MRNIP: variants seen among roughly 807,000 people sequenced by gnomAD.
MRNIP encodes MRN complex interacting protein, also known as MRN complex-interacting protein.
In MRNIP, 30 loss-of-function variants were observed where a neutral mutation model predicts 29.8. The ratio of observed to expected loss-of-function variants is 1.01; its 90% CI spans 0.75 to 1.36. The LOEUF (loss-of-function observed/expected upper bound fraction) is 1.36. Among genes scored for constraint, MRNIP ranks in the 40% most tolerant of loss-of-function variants. The pLI is 0.00. For missense variants in MRNIP, 459 were observed against 423.5 expected (o/e 1.08, Z -0.74); for synonymous variants, 201 against 164.1 (o/e 1.23, Z -1.72).
chr5:179,858,008 T>G (rs1157258205), intron 1 of MRNIP, among the ~76,000 whole-genome samples: 1 of 93,346 alleles, frequency 1.1e-5, no homozygotes, highest in Non-Finnish European at 1.8e-5. Context: ...CGAAACTCCG[T>G]CTCAAAAAAA....
chr5:179,837,491 C>G lies in MRNIP; in HGVS notation c.932G>C (p.Trp311Ser), dbSNP rs1758644439. The change falls in exon 7 of 7, where the codon TGG (tryptophan) becomes TCG (serine). Residue 311 changes from tryptophan (W) to serine (S), a missense_variant. Coordinates refer to ENST00000292586, the MANE Select transcript of MRNIP (RefSeq NM_016175.4). ...GKTSWDARTP[W>S]AEGGPLVLEA... ...CAGGACCAGGGGCCCACCCTCTGCCCAGGGAGTCCTTGCGTCCCATGAGGT... is the reference window on the plus strand; with the variant it reads ...CAGGACCAGGGGCCCACCCTCTGCCGAGGGAGTCCTTGCGTCCCATGAGGT... The G allele has an allele frequency of 6.2e-7, 1 of 1,614,018 alleles. No individual in the cohort carries two copies. The highest frequency in any genetic ancestry group is 1.7e-5 in the Admixed American group (1 of 60,010).
chr5:179,853,097 C>T (rs1401061938), intron 2 of MRNIP: 1 of 702,522 alleles, frequency 1.4e-6, no homozygotes, highest in Non-Finnish European at 2.3e-6. Flanking sequence ...TCTGTGAGGG[C>T]AAGAATGACA....
chr5:179,838,256 C>T (rs996464643), intron 6 of MRNIP: 7 of 278,434 alleles, frequency 2.5e-5, no homozygotes, highest in Non-Finnish European at 4.1e-5. Flanking sequence ...TACCTCCCAC[C>T]GGGGGGCAGC....
chr5:179,847,026 A>G (rs1159001081), intron 3 of MRNIP: 1 of 151,902 alleles, frequency 6.6e-6, no homozygotes, highest in Non-Finnish European at 1.5e-5. Flanking sequence ...TTTGGCTTCT[A>G]CATTTTTTTT....
intron 1 of MRNIP, among the ~76,000 whole-genome samples, chr5:179,857,452 G>A (rs973980128): frequency 6.6e-6 from 1 of 151,902 alleles, no homozygotes; most frequent in Non-Finnish European, 1.5e-5. Context: ...AGAGTGAGAC[G>A]TGAGACTCTG....
At chr5:179,853,775 A>C (rs74583177) in intron 1 of MRNIP, among the ~76,000 whole-genome samples, 63,761 of 151,962 alleles carry the variant, frequency 0.42, 14,841 homozygotes, top group East Asian at 0.78. Flanking sequence ...CCATCTCAAA[A>C]AAACAAACAA....
rs187724757 is a variant in MRNIP at position 179,854,090 on chromosome 5, G to A, written c.67-653C>T. Among the ~76,000 whole-genome samples, 807 of 147,520 alleles carry A rather than the reference G, an allele frequency of 5.5e-3. 9 individuals are homozygous for A. The highest frequency in any genetic ancestry group is 8.8e-3 in the Non-Finnish European group (593 of 67,316). On this transcript the variant is annotated intron_variant, in intron 1 of 6. Coordinates refer to ENST00000292586, the MANE Select transcript of MRNIP (RefSeq NM_016175.4). Reference sequence around the variant, plus strand: ...GGCTGGAGTGCAGCGGCGCAATCTCGGCTCACTGCAAGCTCCCCCTCCCGG... The same window carrying A: ...GGCTGGAGTGCAGCGGCGCAATCTCAGCTCACTGCAAGCTCCCCCTCCCGG...
chr5:179,847,127 C>T (rs1458328215), intron 3 of MRNIP: 4 of 150,290 alleles, frequency 2.7e-5, no homozygotes, highest in Admixed American at 6.6e-5. Flanking sequence ...CCATCAGACC[C>T]GCTTCTTCAT....
At chr5:179,847,299 C>G (rs1759179632) in intron 3 of MRNIP, 1 of 150,348 alleles carries the variant, frequency 6.7e-6, no homozygotes, top group Non-Finnish European at 1.5e-5. Flanking sequence ...TCCTGAGTAG[C>G]TGGGATCACA....
intron 2 of MRNIP, among the ~76,000 whole-genome samples, chr5:179,848,828 G>A (rs1209161949): frequency 6.6e-6 from 1 of 152,248 alleles, no homozygotes; most frequent in Non-Finnish European, 1.5e-5. Flanking sequence ...TCTAGGGGAA[G>A]AACATTCCAG....
At chr5:179,848,575 G>A (rs540095129) in intron 2 of MRNIP, among the ~76,000 whole-genome samples, 1 of 152,240 alleles carries the variant, frequency 6.6e-6, no homozygotes, top group Non-Finnish European at 1.5e-5. Flanking sequence ...TACAGGAATG[G>A]ACAAGACTCC....
Position 179,843,079 on chromosome 5 carries a change from GAGGCAGGC to G in MRNIP, c.292-1023_292-1016del, listed in dbSNP as rs202216040. ...GAAGGAAGGGAGGGAGGGAGGGAGG[GAGGCAGGC>G]AAGCAGGCAAGCAGAAGTGTGGAAA... is the stretch of plus-strand genomic sequence containing the variant. On this transcript the variant is annotated intron_variant, in intron 4 of 6. Coordinates refer to ENST00000292586, the MANE Select transcript of MRNIP (RefSeq NM_016175.4). 2.9e-5 allele frequency among the ~76,000 whole-genome samples: 4 copies of G among 137,042 alleles called. No individual in the cohort carries two copies. In the South Asian group the frequency reaches 7.7e-4, roughly 26 times the overall value. The allele number at this position is 137,042 out of a possible 152,430, so 89.9% of individuals were successfully genotyped here.
intron 5 of MRNIP, chr5:179,841,192 C>A: frequency 3.7e-6 from 2 of 540,912 alleles, no homozygotes; most frequent in Non-Finnish European, 6.6e-6. Flanking sequence ...GGCACCCAGG[C>A]TGGAGTGCAA....
chr5:179,841,028 C>G lies in MRNIP; in HGVS notation c.450-69G>C, dbSNP rs965226197. On this transcript the variant is annotated intron_variant, in intron 5 of 6. Transcript: ENST00000292586. ...GGCACCCCGAGCCTGACTCCACGAT[C>G]ACATGGCCCACAGGCTCGGGTGGCC... The G allele has an allele frequency of 3.5e-6, 4 of 1,131,206 alleles. No individual in the cohort carries two copies. The African/African-American group carries it at 6.2e-5, about 18-fold the overall frequency. The allele number at this position is 1,131,206 out of a possible 1,614,324, so 70.1% of individuals were successfully genotyped here. A position where few individuals can be genotyped will look rare whatever the true frequency, so the allele number is the denominator to read the frequency against.
chr5:179,843,470 T>C (rs1462958399), intron 4 of MRNIP, among the ~76,000 whole-genome samples: 1 of 152,206 alleles, frequency 6.6e-6, no homozygotes, highest in East Asian at 1.9e-4. Flanking sequence ...CCAGGTGCAG[T>C]GGTTCATGCC....
At chr5:179,853,176 T>C in intron 2 of MRNIP, 1 of 1,485,026 alleles carries the variant, frequency 6.7e-7, no homozygotes, top group Non-Finnish European at 9.1e-7. Flanking sequence ...ACTTGCTGAA[T>C]GAAGAATCAA....
At position 179,847,966 on chromosome 5, in the gene MRNIP, AAAC is replaced by A. The variant is rs1285451601; in HGVS notation, c.215+9_215+11del. On this transcript the variant is annotated intron_variant, in intron 3 of 6. Coordinates refer to ENST00000292586, the MANE Select transcript of MRNIP (RefSeq NM_016175.4). ...AGGGCAAGACAACCACGCTCTTCTC[AAAC>A]AACTGTACCTGAGTGGCAGCTCTGA... 1 of 1,587,784 alleles carries A rather than the reference AAAC, an allele frequency of 6.3e-7. No homozygotes were observed. Among genetic ancestry groups the A allele is most frequent in the East Asian group, 2.2e-5 (1 of 44,762 alleles).
chr5:179,857,003 C>A (rs1172525029), intron 1 of MRNIP, among the ~76,000 whole-genome samples: 1 of 152,132 alleles, frequency 6.6e-6, no homozygotes, highest in African/African-American at 2.4e-5. Context: ...GGTGGATCAG[C>A]TGAGCCCGGG....
intron 4 of MRNIP, among the ~76,000 whole-genome samples, chr5:179,843,677 C>A (rs1759008005): frequency 6.6e-6 from 1 of 152,080 alleles, no homozygotes; most frequent in Non-Finnish European, 1.5e-5. Context: ...GAAGTCAAGG[C>A]TGCAGAGAAC....
Sources: allele counts gnomAD v4.1 joint callset (sites outside exome capture counted in the v4.1 genomes callset), GRCh38; gene constraint gnomAD v4.1.1; transcripts MANE v1.5; gene names NCBI Gene and HGNC (gene_info 2026-07-23, HGNC 2026-07-21).